Variants in CHCHD3 observed in about 807,000 individuals in gnomAD.
The protein encoded by CHCHD3 is MICOS complex subunit MIC19.
Under a neutral mutation model 38.2 loss-of-function variants are expected in CHCHD3, and 20 were observed. The ratio of observed to expected loss-of-function variants is 0.52; its 90% CI spans 0.37 to 0.76. CHCHD3 has a LOEUF of 0.76. CHCHD3 is among the 30% of genes least tolerant of loss of function. CHCHD3 has a pLI of 0.00. For synonymous variants in CHCHD3, 82 were observed against 100.0 expected (o/e 0.82, Z 1.07); for missense variants, 245 against 279.2 (o/e 0.88, Z 0.87).
At chr7:132,940,898 T>C (rs1810749664) in intron 4 of CHCHD3, among the ~76,000 whole-genome samples, 1 of 152,154 alleles carries the variant, frequency 6.6e-6, no homozygotes, top group African/African-American at 2.4e-5. Context: ...CCTGTCAGTT[T>C]TCATTTTTAG....
At chr7:132,969,215 T>A (rs1334437432) in intron 4 of CHCHD3, among the ~76,000 whole-genome samples, 1 of 151,722 alleles carries the variant, frequency 6.6e-6, no homozygotes, top group East Asian at 1.9e-4. Context: ...ATAGCTTAAG[T>A]TGGGACAAAA....
intron 7 of CHCHD3, among the ~76,000 whole-genome samples, chr7:132,791,112 T>C (rs1806449462): frequency 6.6e-6 from 1 of 152,182 alleles, no homozygotes; most frequent in Non-Finnish European, 1.5e-5. Flanking sequence ...CAATGGGCTC[T>C]AAGAGCAATG....
At chr7:132,902,260 C>A (rs1015846208) in intron 4 of CHCHD3, among the ~76,000 whole-genome samples, 24 of 152,120 alleles carry the variant, frequency 1.6e-4, no homozygotes, top group African/African-American at 3.4e-4. Context: ...GACAGTGTGG[C>A]GATTCCTCAG....
At chr7:132,915,498 T>G (rs1456741770) in intron 4 of CHCHD3, among the ~76,000 whole-genome samples, 1 of 152,180 alleles carries the variant, frequency 6.6e-6, no homozygotes, top group Non-Finnish European at 1.5e-5. Flanking sequence ...CCAGAAACTT[T>G]TTTCCACTCT....
chr7:132,800,395 T>C (rs1301344851), intron 6 of CHCHD3, among the ~76,000 whole-genome samples: 5 of 152,212 alleles, frequency 3.3e-5, no homozygotes, highest in Non-Finnish European at 7.3e-5. Flanking sequence ...CACTCGGTTA[T>C]CTGTTTTAAA....
intron 2 of CHCHD3, among the ~76,000 whole-genome samples, chr7:133,061,047 C>A (rs1171220530): frequency 6.6e-6 from 1 of 152,132 alleles, no homozygotes; most frequent in Non-Finnish European, 1.5e-5. Flanking sequence ...TGGGCTCAAT[C>A]CCATGAGATT....
intron 5 of CHCHD3, among the ~76,000 whole-genome samples, chr7:132,864,786 G>A (rs143594826): frequency 3.3e-5 from 5 of 152,130 alleles, no homozygotes; most frequent in Non-Finnish European, 5.9e-5. Flanking sequence ...AAAAATAAAT[G>A]GCAATATGAT....
intron 6 of CHCHD3, 135 bp from the exon 7 acceptor site, chr7:132,796,712 C>CT: frequency 1.3e-6 from 1 of 747,058 alleles, no homozygotes; most frequent in East Asian, 2.7e-5. Flanking sequence ...AAAGAATTTT[C>CT]CTTAAACTTC....
Position 132,984,717 on chromosome 7 carries a change from G to C in CHCHD3, c.252-9431C>G, listed in dbSNP as rs576747596. On this transcript the variant is annotated intron_variant, in intron 3 of 7. Transcript: ENST00000262570. ...AGGAGCGTCTCTGCCCGGCCGCTCC[G>C]TCTGAGAAGTGAGGAGACCCTCTGC... Among the ~76,000 whole-genome samples the C allele has an allele frequency of 1.6e-4, 24 of 148,092 alleles. No individual in the cohort carries two copies. The East Asian group carries it at 4.5e-3, about 28-fold the overall frequency.
chr7:133,013,678 ATGAC>A (rs1812945799), intron 3 of CHCHD3, among the ~76,000 whole-genome samples: 1 of 152,122 alleles, frequency 6.6e-6, no homozygotes, highest in Admixed American at 6.6e-5. Context: ...ATCACAATAT[ATGAC>A]TGAGTAGAAA....
rs116022423 is a variant in CHCHD3, at chr7:132,946,058, C to T, written c.369+29111G>A. Among the ~76,000 whole-genome samples the T allele has an allele frequency of 2.1e-3, 323 of 151,980 alleles. 2 individuals are homozygous for T. The highest frequency in any genetic ancestry group is 7.4e-3 in the African/African-American group (309 of 41,534). Reference sequence around the variant, plus strand: ...CATAAAATTAGACACATTCTTATTACATCAAACATAAAAAATCATACTGAT... The same window carrying T: ...CATAAAATTAGACACATTCTTATTATATCAAACATAAAAAATCATACTGAT... On this transcript the variant is annotated intron_variant, in intron 4 of 7. Transcript: ENST00000262570.
At chr7:132,994,972 T>C (rs995830867) in intron 3 of CHCHD3, among the ~76,000 whole-genome samples, 10 of 152,216 alleles carry the variant, frequency 6.6e-5, no homozygotes, top group African/African-American at 2.2e-4. Context: ...ACTACTCATC[T>C]GCAAAAAATT....
At chr7:132,952,783 G>A (rs1388603647) in intron 4 of CHCHD3, among the ~76,000 whole-genome samples, 1 of 152,182 alleles carries the variant, frequency 6.6e-6, no homozygotes, top group Non-Finnish European at 1.5e-5. Flanking sequence ...CCTACAAAAG[G>A]ATTTTAAGTG....
intron 2 of CHCHD3, among the ~76,000 whole-genome samples, chr7:133,045,136 C>T (rs1813948073): frequency 3.3e-5 from 5 of 152,156 alleles, no homozygotes; most frequent in Admixed American, 3.3e-4. Context: ...GATTCCCCAC[C>T]TAAGAGAGGA....
chr7:132,857,609 T>C (rs1446234417), intron 5 of CHCHD3, among the ~76,000 whole-genome samples: 1 of 151,942 alleles, frequency 6.6e-6, no homozygotes, highest in Non-Finnish European at 1.5e-5. Context: ...GGTTTCACCA[T>C]GTTGGCCAGG....
intron 4 of CHCHD3, among the ~76,000 whole-genome samples, chr7:132,894,728 A>G (rs1809450666): frequency 6.6e-6 from 1 of 152,224 alleles, no homozygotes; most frequent in Admixed American, 6.5e-5. Flanking sequence ...GAGTTTGTAC[A>G]AAGTAAGTAG....
In CHCHD3 at chr7:132,853,685, AT is replaced by A. The variant is rs574353590; in HGVS notation, c.454-15217del. Among the ~76,000 whole-genome samples, 8 of 152,294 alleles carry A rather than the reference AT, an allele frequency of 5.3e-5. No individual in the cohort carries two copies. The South Asian group carries it at 1.5e-3, about 28-fold the overall frequency. Reference sequence around the variant, plus strand: ...TTTAACACACACACTTAATATCTATATTCAATGAAGACAGTCTTGGGATTGG... The same window carrying A: ...TTTAACACACACACTTAATATCTATATCAATGAAGACAGTCTTGGGATTGG... On this transcript the variant is annotated intron_variant, in intron 5 of 7. Coordinates refer to ENST00000262570, the MANE Select transcript of CHCHD3 (RefSeq NM_017812.4).
At chr7:132,841,328 T>C (rs1451588418) in intron 5 of CHCHD3, among the ~76,000 whole-genome samples, 1 of 151,286 alleles carries the variant, frequency 6.6e-6, no homozygotes. Flanking sequence ...TAGATAAGTG[T>C]TACTGGAGTT....
At chr7:133,009,507 G>A (rs1812802047) in intron 3 of CHCHD3, among the ~76,000 whole-genome samples, 2 of 151,474 alleles carry the variant, frequency 1.3e-5, no homozygotes, top group Middle Eastern at 3.4e-3. Context: ...GGGGGCACGA[G>A]GAGAGAAGAG....
Sources: allele counts gnomAD v4.1 joint callset (sites outside exome capture counted in the v4.1 genomes callset), GRCh38; gene constraint gnomAD v4.1.1; transcripts MANE v1.5; gene names NCBI Gene and HGNC (gene_info 2026-07-23, HGNC 2026-07-21).